MUC7: variants seen among roughly 807,000 people sequenced by gnomAD.
The protein encoded by MUC7 is mucin-7.
In MUC7, 2 loss-of-function variants were observed where a neutral mutation model predicts 2.5. That is an observed-to-expected ratio of 0.81 (90% CI 0.33 to 2.55). The LOEUF (loss-of-function observed/expected upper bound fraction) is 2.55. Ranked by LOEUF, MUC7 falls within the 30% of genes most tolerant of loss-of-function variation. The probability of loss-of-function intolerance (pLI) is 0.11; values close to 1 mark genes in which losing one functional copy is unlikely to be tolerated. For synonymous variants in MUC7, 133 were observed against 173.4 expected (o/e 0.77, Z 1.83); for missense variants, 408 against 455.6 (o/e 0.90, Z 0.95).
chr4:70,459,233 T>C (rs1212524207), intron 1 of MUC7, among the ~76,000 whole-genome samples: 1 of 152,198 alleles, frequency 6.6e-6, no homozygotes. Context: ...ATATACACCA[T>C]GGAATACCAT....
chr4:70,480,689 T>C lies in MUC7; in HGVS notation c.55-110T>C. Reference sequence around the variant, plus strand: ...CACTTGACTCAATAATGTACTCTGGTTTCTAATCCCAGCATTCCACAAATA... The same window carrying C: ...CACTTGACTCAATAATGTACTCTGGCTTCTAATCCCAGCATTCCACAAATA... On this transcript the variant is annotated intron_variant, in intron 2 of 2. Coordinates refer to ENST00000304887, the MANE Select transcript of MUC7 (RefSeq NM_152291.3). 2.6e-6 allele frequency: 3 copies of C among 1,153,564 alleles called. No individual in the cohort carries two copies. In the South Asian group the frequency reaches 4.8e-5, roughly 18 times the overall value. The allele number at this position is 1,153,564 out of a possible 1,614,324, so 71.5% of individuals were successfully genotyped here.
At position 70,456,734 on chromosome 4, in the gene MUC7, C is replaced by T. The variant is rs147315327; in HGVS notation, c.-92-15481C>T. Among the ~76,000 whole-genome samples the T allele has an allele frequency of 2.6e-5, 4 of 152,202 alleles. No homozygotes were observed. In the East Asian group the frequency reaches 5.8e-4, roughly 22 times the overall value. Reference sequence around the variant, plus strand: ...TGAGATTTGGGTGGGGACACAGAGCCAAACCATAGCAAGGGAAAACAAAAA... The same window carrying T: ...TGAGATTTGGGTGGGGACACAGAGCTAAACCATAGCAAGGGAAAACAAAAA... On this transcript the variant is annotated intron_variant, in intron 1 of 3. Coordinates refer to the MUC7 transcript ENST00000413702.
At chr4:70,455,038 A>T (rs968057779) in intron 1 of MUC7, among the ~76,000 whole-genome samples, 1 of 151,972 alleles carries the variant, frequency 6.6e-6, no homozygotes, top group East Asian at 1.9e-4. Context: ...TATATTTTAT[A>T]TTTTTTTAGC....
At chr4:70,477,177 C>T (rs552051532) in intron 2 of MUC7, among the ~76,000 whole-genome samples, 39 of 151,998 alleles carry the variant, frequency 2.6e-4, no homozygotes, top group East Asian at 1.2e-3. Context: ...TCAGAGGCCG[C>T]GGCGGGAAGA....
chr4:70,461,746 A>G (rs1734562247), intron 1 of MUC7, among the ~76,000 whole-genome samples: 1 of 152,260 alleles, frequency 6.6e-6, no homozygotes, highest in African/African-American at 2.4e-5. Context: ...AGATTTGTAG[A>G]TTAGATTAGG....
intron 1 of MUC7, among the ~76,000 whole-genome samples, chr4:70,457,158 C>T (rs573473152): frequency 2.0e-5 from 3 of 152,278 alleles, no homozygotes; most frequent in East Asian, 3.9e-4. Context: ...ATTACCGACA[C>T]TTGGCCAGGT....
intron 1 of MUC7, among the ~76,000 whole-genome samples, chr4:70,447,144 G>A (rs1325240818): frequency 6.6e-6 from 1 of 152,136 alleles, no homozygotes; most frequent in Non-Finnish European, 1.5e-5. Context: ...TGTACAGAAA[G>A]CAGGGCCTTG....
intron 2 of MUC7, among the ~76,000 whole-genome samples, chr4:70,478,429 C>G (rs1190171738): frequency 6.6e-6 from 1 of 152,140 alleles, no homozygotes; most frequent in Non-Finnish European, 1.5e-5. Flanking sequence ...AACCACATAA[C>G]TATTTCAAAG....
At chr4:70,452,072 A>G (rs1734293446) in intron 1 of MUC7, among the ~76,000 whole-genome samples, 2 of 152,154 alleles carry the variant, frequency 1.3e-5, no homozygotes, top group African/African-American at 4.8e-5. Context: ...TGATACAAGT[A>G]TTGCTATGCC....
chr4:70,480,718 C>T (rs1346986927), intron 2 of MUC7, 81 bp from the exon 3 acceptor site: 5 of 1,407,492 alleles, frequency 3.6e-6, no homozygotes. Flanking sequence ...ACAAATACCG[C>T]TCATCTCATG....
upstream of MUC7, among the ~76,000 whole-genome samples, chr4:70,468,495 G>A (rs773512052): frequency 2.6e-5 from 4 of 152,274 alleles, no homozygotes; most frequent in East Asian, 1.9e-4. Context: ...TGACATGATT[G>A]TATATTTAGA....
chr4:70,460,316 TATC>T (rs1037573043), intron 1 of MUC7, among the ~76,000 whole-genome samples: 8 of 152,194 alleles, frequency 5.3e-5, no homozygotes, highest in African/African-American at 1.4e-4. Flanking sequence ...ATGCTGGTAA[TATC>T]ATCAAGGATG....
intron 1 of MUC7, among the ~76,000 whole-genome samples, chr4:70,438,359 T>C (rs1204642926): frequency 6.6e-6 from 1 of 152,178 alleles, no homozygotes. Flanking sequence ...TTAAAGACTG[T>C]TGATGTTTGT....
chr4:70,478,902 T>G (rs549384845), intron 2 of MUC7, among the ~76,000 whole-genome samples: 7 of 152,334 alleles, frequency 4.6e-5, no homozygotes, highest in Non-Finnish European at 8.8e-5. Flanking sequence ...GAGAGATTTA[T>G]GGAAAAATAC....
intron 1 of MUC7, among the ~76,000 whole-genome samples, chr4:70,450,249 G>T (rs943928140): frequency 1.3e-5 from 2 of 152,170 alleles, no homozygotes; most frequent in African/African-American, 4.8e-5. Flanking sequence ...AGGCACAAGG[G>T]GTACTGACAG....
Position 70,482,129 on chromosome 4 carries a change from T to C in MUC7, c.*251T>C, listed in dbSNP as rs1027915880. ...TTTGGATCCTACAGAGATAGCCTAC[T>C]GAGGGCAAAGAAAGTCCTTAGATAA... On this transcript the variant is annotated 3_prime_UTR_variant, in exon 3 of 3. Coordinates refer to ENST00000304887, the MANE Select transcript of MUC7 (RefSeq NM_152291.3). The C allele has an allele frequency of 2.7e-5, 13 of 485,100 alleles. No individual in the cohort carries two copies. In the Admixed American group the frequency reaches 4.8e-4, roughly 18 times the overall value. The allele number at this position is 485,100 out of a possible 1,614,324, so 30.0% of individuals were successfully genotyped here. A position where few individuals can be genotyped will look rare whatever the true frequency, so the allele number is the denominator to read the frequency against.
intron 1 of MUC7, among the ~76,000 whole-genome samples, chr4:70,460,517 T>C (rs1428693524): frequency 2.6e-5 from 4 of 151,674 alleles, no homozygotes; most frequent in African/African-American, 4.8e-5. Flanking sequence ...CACTCTCCAC[T>C]TGTAAGCCCA....
chr4:70,468,563 C>G (rs1734739872), upstream of MUC7, among the ~76,000 whole-genome samples: 1 of 152,206 alleles, frequency 6.6e-6, no homozygotes, highest in African/African-American at 2.4e-5. Flanking sequence ...TCAGCAAAGT[C>G]TCAGGCTACA....
chr4:70,431,483 T>A (rs1380768858), intron 1 of MUC7, among the ~76,000 whole-genome samples: 4 of 151,954 alleles, frequency 2.6e-5, no homozygotes, highest in African/African-American at 9.7e-5. Flanking sequence ...ACTAGTGGGT[T>A]TTTTTTGGGG....
Sources: allele counts gnomAD v4.1 joint callset (sites outside exome capture counted in the v4.1 genomes callset), GRCh38; gene constraint gnomAD v4.1.1; transcripts MANE v1.5; gene names NCBI Gene and HGNC (gene_info 2026-07-23, HGNC 2026-07-21).